Variants in LRIG1 observed in about 807,000 individuals in gnomAD.
The protein encoded by LRIG1 is leucine-rich repeats and immunoglobulin-like domains protein 1.
Under a neutral mutation model 99.2 loss-of-function variants are expected in LRIG1, and 48 were observed. The observed-to-expected ratio is 0.48, with a 90% CI of 0.38 to 0.62. The LOEUF (loss-of-function observed/expected upper bound fraction) is 0.62, where lower values mean the gene tolerates loss of function less well. Ranked by LOEUF, LRIG1 falls within the 20% of genes least tolerant of loss-of-function variation. The pLI, the probability that LRIG1 is intolerant of heterozygous loss-of-function variation, is 0.00. For synonymous variants in LRIG1, 772 were observed against 596.1 expected (o/e 1.29, Z -4.30); for missense variants, 1,646 against 1,434.4 (o/e 1.15, Z -2.38).
chr3:66,417,096 G>A, intron 4 of LRIG1, 33 bp downstream of exon 4: 1 of 1,607,990 alleles, frequency 6.2e-7, no homozygotes, highest in East Asian at 2.2e-5. Context: ...GACACAGCGG[G>A]CCAGCCACAG....
intron 3 of LRIG1, among the ~76,000 whole-genome samples, chr3:66,419,602 T>G (rs1702739773): frequency 6.6e-6 from 1 of 152,022 alleles, no homozygotes; most frequent in Admixed American, 6.5e-5. Context: ...ATTGCAGAGC[T>G]AGTAGGGTGG....
chr3:66,478,130 T>A (rs1464468382), intron 1 of LRIG1, among the ~76,000 whole-genome samples: 1 of 152,214 alleles, frequency 6.6e-6, no homozygotes, highest in Non-Finnish European at 1.5e-5. Flanking sequence ...ACACCGTTTA[T>A]TTGCCGCCTT....
intron 1 of LRIG1, among the ~76,000 whole-genome samples, chr3:66,479,789 A>G (rs1175551460): frequency 6.6e-6 from 1 of 152,212 alleles, no homozygotes; most frequent in Non-Finnish European, 1.5e-5. Flanking sequence ...AAAAAGACAG[A>G]TAATAGCAAG....
intron 9 of LRIG1, among the ~76,000 whole-genome samples, chr3:66,399,970 C>T (rs780505344): frequency 5.3e-5 from 8 of 152,246 alleles, no homozygotes; most frequent in Non-Finnish European, 8.8e-5. Context: ...AGAGGGACCC[C>T]TCAGGGCCTG....
intron 1 of LRIG1, among the ~76,000 whole-genome samples, chr3:66,483,157 C>T (rs1416139578): frequency 6.6e-6 from 1 of 152,080 alleles, no homozygotes; most frequent in Non-Finnish European, 1.5e-5. Flanking sequence ...TCCAAGATCT[C>T]GATAGCCATT....
chr3:66,430,500 C>A (rs1019820072), intron 3 of LRIG1, among the ~76,000 whole-genome samples: 6 of 152,214 alleles, frequency 3.9e-5, no homozygotes, highest in African/African-American at 1.4e-4. Context: ...ACAGCTCGGC[C>A]CTGCCTGAGG....
At chr3:66,488,132 G>A (rs1017211275) in intron 1 of LRIG1, among the ~76,000 whole-genome samples, 4 of 152,184 alleles carry the variant, frequency 2.6e-5, no homozygotes, top group East Asian at 1.9e-4. Context: ...ATTCCACGTC[G>A]AAGAAAAGTG....
intron 12 of LRIG1, among the ~76,000 whole-genome samples, 178 bp downstream of exon 12, chr3:66,393,862 C>G (rs1179421370): frequency 6.6e-6 from 1 of 152,206 alleles, no homozygotes; most frequent in Non-Finnish European, 1.5e-5. Context: ...CATAATGAGG[C>G]AACTCTACGG....
Position 66,500,515 on chromosome 3 carries a change from C to T in LRIG1, c.-108G>A, listed in dbSNP as rs1575741321. On this transcript the variant is annotated 5_prime_UTR_variant, in exon 1 of 19. The change creates a new upstream start codon in the 5' untranslated region. Coordinates refer to ENST00000273261, the MANE Select transcript of LRIG1 (RefSeq NM_015541.3). Reference sequence around the variant, plus strand: ...GCTCCGCTCGGCTCTAGACTCCGCACCGGGGCATGGCCCCCGCCCCAAGTT... The same window carrying T: ...GCTCCGCTCGGCTCTAGACTCCGCATCGGGGCATGGCCCCCGCCCCAAGTT... The T allele has an allele frequency of 1.9e-6, 1 of 535,020 alleles. No homozygotes were observed. The highest frequency in any genetic ancestry group is 3.7e-5 in the East Asian group (1 of 27,056). 33.1% of individuals were successfully genotyped at this position (535,020 alleles called of 1,614,324 possible). A position where few individuals can be genotyped will look rare whatever the true frequency, so the allele number is the denominator to read the frequency against.
intron 7 of LRIG1, among the ~76,000 whole-genome samples, chr3:66,408,062 G>A (rs991028157): frequency 3.9e-5 from 6 of 152,164 alleles, no homozygotes; most frequent in African/African-American, 1.4e-4. Context: ...GTGGACCTCA[G>A]AGCATGATCC....
At position 66,379,075 on chromosome 3, in the gene LRIG1, T is replaced by G. The variant is rs554168612; in HGVS notation, c.*1188A>C. On this transcript the variant is annotated 3_prime_UTR_variant, in exon 19 of 19. Transcript: ENST00000273261. ...ACCTGACAGTAATTGTTAACTATTTTCTCAGTAACTCCCTTCAGCTTTTGG... is the reference window on the plus strand; with the variant it reads ...ACCTGACAGTAATTGTTAACTATTTGCTCAGTAACTCCCTTCAGCTTTTGG... 6.5e-6 allele frequency: 1 copy of G among 152,686 alleles called. No individual in the cohort carries two copies. The highest frequency in any genetic ancestry group is 1.5e-5 in the Non-Finnish European group (1 of 68,050). The allele number at this position is 152,686 out of a possible 1,614,324, so 9.5% of individuals were successfully genotyped here. A position where few individuals can be genotyped will look rare whatever the true frequency, so the allele number is the denominator to read the frequency against.
intron 1 of LRIG1, among the ~76,000 whole-genome samples, chr3:66,498,996 C>T (rs1286668730): frequency 6.6e-6 from 1 of 152,222 alleles, no homozygotes; most frequent in Admixed American, 6.5e-5. Context: ...CAGCCATAGT[C>T]ATGCCTAAGG....
intron 3 of LRIG1, among the ~76,000 whole-genome samples, chr3:66,450,167 A>G (rs549114033): frequency 6.6e-6 from 1 of 152,286 alleles, no homozygotes; most frequent in Admixed American, 6.5e-5. Context: ...ACCTTTACCC[A>G]TCAAGGGAAC....
At position 66,382,267 on chromosome 3, in the gene LRIG1, C is replaced by T. The variant is rs1280234111; in HGVS notation, c.2617+6G>A. On this transcript the variant is annotated splice_donor_region_variant and intron_variant, in intron 16 of 18. Coordinates refer to ENST00000273261, the MANE Select transcript of LRIG1 (RefSeq NM_015541.3). The stretch of plus-strand genomic sequence containing the variant: ...GAGCTCTGCTTCACAGTTACTGAGG[C>T]CTTACCATTGCTCTCAATGTGCCCA... 3.7e-6 allele frequency: 6 copies of T among 1,614,126 alleles called. No individual in the cohort carries two copies. The highest frequency in any genetic ancestry group is 5.1e-6 in the Non-Finnish European group (6 of 1,179,988).
At chr3:66,413,590 C>T (rs1182917794) in intron 5 of LRIG1, among the ~76,000 whole-genome samples, 1 of 152,206 alleles carries the variant, frequency 6.6e-6, no homozygotes, top group Non-Finnish European at 1.5e-5. Flanking sequence ...CACTTGGCTT[C>T]TAGCCCCAGT....
chr3:66,500,378 C>A lies in LRIG1; in HGVS notation c.30G>T (p.Gly10=). The change falls in exon 1 of 19, where the codon GGG becomes GGT. Residue 10 remains glycine (G), a synonymous_variant. Coordinates refer to ENST00000273261, the MANE Select transcript of LRIG1 (RefSeq NM_015541.3). ...GAAGGCAAGGCGAGCGGCGCGGGGC[C>A]CCGAGCCCTCCCCGGACCGGCCGCG... MARPVRGGL[G]APRRSPCLLL... The A allele has an allele frequency of 6.8e-7, 1 of 1,465,782 alleles. No individual in the cohort carries two copies. 90.8% of individuals were successfully genotyped at this position (1,465,782 alleles called of 1,614,324 possible). A position where few individuals can be genotyped will look rare whatever the true frequency, so the allele number is the denominator to read the frequency against.
intron 11 of LRIG1, among the ~76,000 whole-genome samples, chr3:66,395,092 C>T (rs932375356): frequency 6.6e-6 from 1 of 152,202 alleles, no homozygotes; most frequent in African/African-American, 2.4e-5. Flanking sequence ...AAGAGTCTAG[C>T]TGCCTTGTTC....
At chr3:66,381,990 C>T (rs774348549) in intron 16 of LRIG1, among the ~76,000 whole-genome samples, 32 of 152,276 alleles carry the variant, frequency 2.1e-4, no homozygotes, top group African/African-American at 5.1e-4. Context: ...GTTCATGCAC[C>T]GTAATGCCCT....
At chr3:66,399,751 T>C (rs77317971) in intron 9 of LRIG1, among the ~76,000 whole-genome samples, 6,267 of 152,206 alleles carry the variant, frequency 0.041, 192 homozygotes, top group Non-Finnish European at 0.065. Context: ...CTGGGCAACA[T>C]AGCGGGATGT....
Sources: gnomAD v4.1 joint callset for allele counts (sites outside exome capture counted in the v4.1 genomes callset) on GRCh38, gnomAD v4.1.1 for gene constraint, MANE v1.5 for transcripts, NCBI Gene and HGNC (gene_info 2026-07-23, HGNC 2026-07-21) for gene names.